Variants in PNPLA1 observed in about 807,000 individuals in gnomAD.
PNPLA1 encodes the protein omega-hydroxyceramide transacylase.
In PNPLA1, 36 loss-of-function variants were observed where a neutral mutation model predicts 51.7. That is an observed-to-expected ratio of 0.70 (90% confidence interval 0.53 to 0.92). The LOEUF (loss-of-function observed/expected upper bound fraction) is 0.92, where lower values mean the gene tolerates loss of function less well. Among genes scored for constraint, PNPLA1 ranks in the 40% least tolerant of loss-of-function variants. PNPLA1 has a pLI of 0.00. For missense variants in PNPLA1, 658 were observed against 682.5 expected (o/e 0.96, Z 0.40); for synonymous variants, 293 against 280.1 (o/e 1.05, Z -0.46).
chr6:36,304,556 GGCGGAGGTT>G (rs1487557965), intron 6 of PNPLA1, among the ~76,000 whole-genome samples: 5 of 151,414 alleles, frequency 3.3e-5, no homozygotes, highest in African/African-American at 1.2e-4. Flanking sequence ...GAACCTGGGA[GGCGGAGGTT>G]GCAGTGAGTA....
chr6:36,268,814 A>G (rs1769824309), upstream of PNPLA1, among the ~76,000 whole-genome samples: 1 of 152,324 alleles, frequency 6.6e-6, no homozygotes, highest in Admixed American at 6.5e-5. Context: ...GACACAGCAC[A>G]GGGCTTGGCA....
In PNPLA1 at chr6:36,313,128, G is replaced by A. The variant is rs1044056307; in HGVS notation, c.*1242G>A. 6.6e-6 allele frequency among the ~76,000 whole-genome samples: 1 copy of A among 152,170 alleles called. No homozygotes were observed. Among genetic ancestry groups the A allele is most frequent in the African/African-American group, 2.4e-5 (1 of 41,444 alleles). ...CGGGATTATGTGGTGCTGTGGTGTT[G>A]AGACAGGCTGCCCTGGAGTCCTGGG... On this transcript the variant is annotated 3_prime_UTR_variant, in exon 9 of 9. Coordinates refer to ENST00000636260, the MANE Select transcript of PNPLA1 (RefSeq NM_001374623.1).
At chr6:36,251,483 G>T (rs1455077432) in intron 1 of PNPLA1, among the ~76,000 whole-genome samples, 2 of 152,232 alleles carry the variant, frequency 1.3e-5, no homozygotes, top group Non-Finnish European at 2.9e-5. Context: ...TAACCAGTAA[G>T]ATGTGAGCAG....
chr6:36,289,237 T>C (rs1770599866), intron 1 of PNPLA1, among the ~76,000 whole-genome samples: 2 of 152,130 alleles, frequency 1.3e-5, no homozygotes, highest in South Asian at 4.1e-4. Context: ...TGCTGGGAGA[T>C]CAGGCGTTCC....
At chr6:36,291,066 G>A (rs1218329321) in intron 1 of PNPLA1, among the ~76,000 whole-genome samples, 1 of 152,226 alleles carries the variant, frequency 6.6e-6, no homozygotes, top group Non-Finnish European at 1.5e-5. Flanking sequence ...CCTGGACAAA[G>A]GTCAGGATGC....
intron 8 of PNPLA1, among the ~76,000 whole-genome samples, chr6:36,308,871 G>C (rs537748079): frequency 1.3e-5 from 2 of 152,028 alleles, no homozygotes; most frequent in Non-Finnish European, 2.9e-5. Context: ...GACATGTGCC[G>C]GTAGTCCCAG....
At chr6:36,307,473 C>G in intron 7 of PNPLA1, 114 bp from the exon 8 acceptor site, 1 of 1,210,136 alleles carries the variant, frequency 8.3e-7, no homozygotes, top group Non-Finnish European at 1.1e-6. Context: ...CAATCCTCAG[C>G]CAGGGTTGAG....
At chr6:36,269,465 T>G (rs1465457080), upstream of PNPLA1, among the ~76,000 whole-genome samples, 1 of 152,092 alleles carries the variant, frequency 6.6e-6, no homozygotes, top group Non-Finnish European at 1.5e-5. Flanking sequence ...ACAGGTGACC[T>G]CCCCAGCTGC....
rs772299482 is a variant in PNPLA1 at position 36,307,606 on chromosome 6, T to G, written c.1489T>G (p.Ser497Ala). Residue 497 changes from serine to alanine, a missense_variant, in exon 8 of 9, where the codon TCA becomes GCA. Transcript: ENST00000636260. ...GCCTAGGGAGAGCCCTGCTGAAGAC[T>G]CAAACTGGGTGAATAAGGTCTTCAA... Reference protein sequence around the residue: ...PYVTESPAEDSNWVNKVFKKN... With the variant: ...PYVTESPAEDANWVNKVFKKN... The G allele has an allele frequency of 1.2e-6, 2 of 1,613,546 alleles. No homozygotes were observed. The highest frequency in any genetic ancestry group is 1.7e-6 in the Non-Finnish European group (2 of 1,179,816).
chr6:36,288,840 G>A (rs961404400), intron 1 of PNPLA1, among the ~76,000 whole-genome samples: 8 of 152,168 alleles, frequency 5.3e-5, no homozygotes, highest in African/African-American at 1.7e-4. Context: ...AAGAGGCTGA[G>A]GTGAGAGGAT....
Position 36,291,448 on chromosome 6 carries a change from T to C in PNPLA1, c.334T>C (p.Ser112Pro). Residue 112 changes from serine to proline, a missense_variant, in exon 2 of 9, where the codon TCC becomes CCC. Physicochemically the swap from Ser to Pro is moderately conservative, Grantham distance 74. Transcript: ENST00000636260. Reference protein sequence around the residue: ...QFLYRVLPEDSYKVTTGKLHV... With the variant: ...QFLYRVLPEDPYKVTTGKLHV... ...TCTGTACCGGGTCCTGCCCGAGGACTCCTACAAGGTCACCACGGGGAAGCT... is the reference window on the plus strand; with the variant it reads ...TCTGTACCGGGTCCTGCCCGAGGACCCCTACAAGGTCACCACGGGGAAGCT... The C allele has an allele frequency of 6.2e-7, 1 of 1,614,006 alleles. No homozygotes were observed. Among genetic ancestry groups the C allele is most frequent in the African/African-American group, 1.3e-5 (1 of 74,962 alleles).
At chr6:36,265,062 C>T (rs999474574), upstream of PNPLA1, among the ~76,000 whole-genome samples, 9 of 152,160 alleles carry the variant, frequency 5.9e-5, no homozygotes, top group Non-Finnish European at 1.0e-4. Flanking sequence ...TTATCAGGAC[C>T]AGGCATGGTG....
intron 6 of PNPLA1, 152 bp downstream of exon 6, chr6:36,302,621 C>T (rs1759857024): frequency 4.6e-6 from 5 of 1,081,244 alleles, no homozygotes; most frequent in Middle Eastern, 2.4e-4. Flanking sequence ...GAGGACAGTC[C>T]GCCACAAGGG....
In PNPLA1 at chr6:36,295,414, G is replaced by T. The variant is rs769734928; in HGVS notation, c.765G>T (p.Leu255Phe). 1 of 1,614,208 alleles carries T rather than the reference G, an allele frequency of 6.2e-7. No individual in the cohort carries two copies. Among genetic ancestry groups the T allele is most frequent in the Non-Finnish European group, 8.5e-7 (1 of 1,180,030 alleles). Residue 255 changes from leucine (L) to phenylalanine (F), a missense_variant, in exon 5 of 9, where the codon TTG becomes TTT. By Grantham distance (22) the Leu-to-Phe change is conservative. Transcript: ENST00000636260. ...GGTACGAGGATGCAGTTTTGTACTT[G>T]AGGCGGCTGAGTAAGTACCGGTGGG... is the stretch of plus-strand genomic sequence containing the variant. ...YRGYEDAVLY[L>F]RRLNAVYLNS...
intron 3 of PNPLA1, among the ~76,000 whole-genome samples, chr6:36,293,418 G>A (rs1386308246): frequency 6.6e-6 from 1 of 152,238 alleles, no homozygotes; most frequent in Non-Finnish European, 1.5e-5. Context: ...ACAGAGCAGA[G>A]GAGATGAAGC....
chr6:36,261,187 C>A (rs2127318289), intron 1 of PNPLA1, among the ~76,000 whole-genome samples: 1 of 152,348 alleles, frequency 6.6e-6, no homozygotes, highest in South Asian at 2.1e-4. Flanking sequence ...GACTAGACCA[C>A]AATTTAATAA....
chr6:36,264,858 A>G (rs560975283), intron 1 of PNPLA1, among the ~76,000 whole-genome samples: 18 of 152,358 alleles, frequency 1.2e-4, no homozygotes, highest in African/African-American at 4.3e-4. Context: ...CAAGCTTCTC[A>G]ACTGTGCCCA....
chr6:36,270,788 G>C, intron 1 of PNPLA1, 124 bp downstream of exon 1: 2 of 1,157,618 alleles, frequency 1.7e-6, no homozygotes, highest in Non-Finnish European at 2.4e-6. Context: ...AGGAAGGGAA[G>C]GGAAGAGCTG....
chr6:36,246,410 C>T (rs865827198), intron 1 of PNPLA1, among the ~76,000 whole-genome samples: 1 of 152,074 alleles, frequency 6.6e-6, no homozygotes, highest in Admixed American at 6.6e-5. Context: ...CCATGTTGCC[C>T]AGGCCGATCT....
Sources: allele counts gnomAD v4.1 joint callset (sites outside exome capture counted in the v4.1 genomes callset), GRCh38; gene constraint gnomAD v4.1.1; transcripts MANE v1.5; gene names NCBI Gene and HGNC (gene_info 2026-07-23, HGNC 2026-07-21).